The following DLGAP3 variants were observed in gnomAD, a reference collection of about 807,000 sequenced individuals.
The protein encoded by DLGAP3 is DLG associated protein 3, also known as disks large-associated protein 3.
In DLGAP3, 17 loss-of-function variants were observed where a neutral mutation model predicts 81.2. That is an observed-to-expected ratio of 0.21 (90% CI 0.14 to 0.31). The LOEUF (loss-of-function observed/expected upper bound fraction) is 0.31. DLGAP3 is among the 10% of genes least tolerant of loss of function. The pLI, the probability that DLGAP3 is intolerant of heterozygous loss-of-function variation, is 1.00. For synonymous variants in DLGAP3, 577 were observed against 587.4 expected (o/e 0.98, Z 0.26); for missense variants, 1,124 against 1,388.0 (o/e 0.81, Z 3.02).
rs796124635 is a variant in DLGAP3 at position 34,917,410 on chromosome 1, C to T, written c.-134-9973G>A. Among the ~76,000 whole-genome samples the T allele has an allele frequency of 2.3e-4, 34 of 150,518 alleles. 1 individual carries two copies. The highest frequency in any genetic ancestry group is 7.8e-4 in the African/African-American group (32 of 40,808). The stretch of plus-strand genomic sequence containing the variant: ...TCACCCAGGCCGGAGTGCAGTGGCA[C>T]TGTCATGGCTCACTGCAGCCTTGAC... On this transcript the variant is annotated intron_variant, in intron 1 of 11. Coordinates refer to ENST00000373347, the MANE Select transcript of DLGAP3 (RefSeq NM_001080418.3).
In DLGAP3 at chr1:34,868,831, A is replaced by T. The variant is rs928166467; in HGVS notation, c.2259T>A (p.Asp753Glu). 11 of 1,582,058 alleles carry T rather than the reference A, an allele frequency of 7.0e-6. No homozygotes were observed. Among genetic ancestry groups the T allele is most frequent in the Non-Finnish European group, 9.4e-6 (11 of 1,169,274 alleles). Residue 753 changes from aspartate (D) to glutamate (E), a missense_variant, in exon 9 of 12, where the codon GAT (aspartate) becomes GAA (glutamate). Transcript: ENST00000373347. The surrounding 1 kb of genome is among the most constrained non-coding windows in gnomAD (Gnocchi z 7.5). ...YPLPYEPPATDGSPGPAPAPT... is the reference protein window; with the variant it reads ...YPLPYEPPATEGSPGPAPAPT... ...GGGCGGGGGCAGGGCCGGGCGACCC[A>T]TCGGTGGCCGGCGGCTCGTACGGCA...
rs1450457178 is a variant in DLGAP3 at position 34,924,236 on chromosome 1, C to G, written c.-135+5215G>C. ...GAGAACTAAAGACTGAAACCCAGAC[C>G]TCATCCCTCCATTTGAATATTTTTT... On this transcript the variant is annotated intron_variant, in intron 1 of 11. Coordinates refer to ENST00000373347, the MANE Select transcript of DLGAP3 (RefSeq NM_001080418.3). Among the ~76,000 whole-genome samples the G allele has an allele frequency of 2.6e-5, 4 of 152,196 alleles. No homozygotes were observed. In the South Asian group the frequency reaches 6.2e-4, roughly 24 times the overall value.
intron 5 of DLGAP3, among the ~76,000 whole-genome samples, chr1:34,888,675 A>G (rs4653113): frequency 0.94 from 142,671 of 152,266 alleles, 67,561 homozygotes; most frequent in East Asian, 1. Flanking sequence ...AAATCAATCC[A>G]AGACCCCGCA....
Position 34,867,297 on chromosome 1 carries a change from G to T in DLGAP3, c.2578-106C>A. 1 of 1,525,112 alleles carries T rather than the reference G, an allele frequency of 6.6e-7. No individual in the cohort carries two copies. Among genetic ancestry groups the T allele is most frequent in the East Asian group, 2.3e-5 (1 of 44,124 alleles). The allele number at this position is 1,525,112 out of a possible 1,614,324, so 94.5% of individuals were successfully genotyped here. On this transcript the variant is annotated intron_variant, in intron 10 of 11. Coordinates refer to ENST00000373347, the MANE Select transcript of DLGAP3 (RefSeq NM_001080418.3). This position sits in a 1 kb window ranked among gnomAD's most constrained non-coding sequence, Gnocchi z 4.3. ...CCCTTACTGCCAGGAAGCTCAGCCTGGGAGAGTGGGTGGGGGCTGGGAGAC... is the reference window on the plus strand; with the variant it reads ...CCCTTACTGCCAGGAAGCTCAGCCTTGGAGAGTGGGTGGGGGCTGGGAGAC...
At chr1:34,874,073 G>A (rs1639015965) in intron 8 of DLGAP3, among the ~76,000 whole-genome samples, 1 of 152,210 alleles carries the variant, frequency 6.6e-6, no homozygotes, top group Non-Finnish European at 1.5e-5. Context: ...TCCTTAAAAG[G>A]AGGGGGTATG....
At chr1:34,921,011 G>C (rs913315599) in intron 1 of DLGAP3, among the ~76,000 whole-genome samples, 1 of 152,190 alleles carries the variant, frequency 6.6e-6, no homozygotes, top group African/African-American at 2.4e-5. Flanking sequence ...CAAAGACTCG[G>C]ATACAGTGAG....
chr1:34,866,245 C>T lies in DLGAP3; in HGVS notation c.2778G>A (p.Val926=). The T allele has an allele frequency of 6.4e-7, 1 of 1,569,334 alleles. No individual in the cohort carries two copies. Among genetic ancestry groups the T allele is most frequent in the South Asian group, 1.1e-5 (1 of 87,048 alleles). Residue 926 remains valine (V), a synonymous_variant, in exon 12 of 12, where the codon GTG becomes GTA. Transcript: ENST00000373347. ...IPKKPLRGRG[V]PVKERSLDSV... is the part of the protein sequence containing the mutation. Reference sequence around the variant, plus strand: ...AGTCCAGGGAGCGCTCCTTCACCGGCACGCCCCGGCCCCGCAGGGGCTTCT... The same window carrying T: ...AGTCCAGGGAGCGCTCCTTCACCGGTACGCCCCGGCCCCGCAGGGGCTTCT...
At chr1:34,912,325 T>C (rs766920799) in intron 1 of DLGAP3, among the ~76,000 whole-genome samples, 2 of 152,190 alleles carry the variant, frequency 1.3e-5, no homozygotes, top group Non-Finnish European at 2.9e-5. Flanking sequence ...TCACTCTAGA[T>C]TGTCCACATC....
rs779870404 is a variant in DLGAP3 at position 34,902,290 on chromosome 1, G to C, written c.1107+1987C>G. The stretch of plus-strand genomic sequence containing the variant: ...GTTCAGGGGAAAGGTGGAGACTCTG[G>C]GGATGAGATGGGGTCCCTTGAAGGA... On this transcript the variant is annotated intron_variant, in intron 3 of 11. Coordinates refer to ENST00000373347, the MANE Select transcript of DLGAP3 (RefSeq NM_001080418.3). The surrounding 1 kb of genome is among the most constrained non-coding windows in gnomAD (Gnocchi z 4.4). Among the ~76,000 whole-genome samples the C allele has an allele frequency of 6.6e-6, 1 of 152,130 alleles. No individual in the cohort carries two copies. Among genetic ancestry groups the C allele is most frequent in the Non-Finnish European group, 1.5e-5 (1 of 68,016 alleles).
At chr1:34,881,248 C>T (rs1036185595) in intron 8 of DLGAP3, among the ~76,000 whole-genome samples, 1 of 152,150 alleles carries the variant, frequency 6.6e-6, no homozygotes, top group African/African-American at 2.4e-5. Context: ...ACCCCTAGAG[C>T]TCCACATAGC....
intron 5 of DLGAP3, among the ~76,000 whole-genome samples, chr1:34,897,191 A>G (rs1639391157): frequency 6.6e-6 from 1 of 152,220 alleles, no homozygotes; most frequent in South Asian, 2.1e-4. Flanking sequence ...AACTTATTTC[A>G]TCTTCTATAA....
chr1:34,881,706 T>TTATCCCAGGA (rs111999075), intron 8 of DLGAP3, among the ~76,000 whole-genome samples: 23,648 of 151,960 alleles, frequency 0.16, 2,046 homozygotes, highest in African/African-American at 0.23. Context: ...CAAGCAGGGT[T>TTATCCCAGGA]TATCCCAGGA....
intron 1 of DLGAP3, among the ~76,000 whole-genome samples, chr1:34,921,352 C>T (rs1219634440): frequency 6.6e-6 from 1 of 152,178 alleles, no homozygotes; most frequent in African/African-American, 2.4e-5. Context: ...CACTGAAATA[C>T]CTGTTCCCAC....
intron 8 of DLGAP3, among the ~76,000 whole-genome samples, chr1:34,878,262 C>T (rs1182024137): frequency 1.3e-5 from 2 of 151,882 alleles, no homozygotes; most frequent in East Asian, 1.9e-4. Context: ...GCTGAGATCA[C>T]GCCAATGCAC....
rs1639476162 is a variant in DLGAP3 at position 34,902,484 on chromosome 1, C to G, written c.1107+1793G>C. Among the ~76,000 whole-genome samples, 1 of 152,114 alleles carries G rather than the reference C, an allele frequency of 6.6e-6. No homozygotes were observed. Among genetic ancestry groups the G allele is most frequent in the African/African-American group, 2.4e-5 (1 of 41,432 alleles). ...GTGGGAGAAACAGGGCTTTGACAAT[C>G]AGATCGGGAGTCCAGCAAAGACACC... On this transcript the variant is annotated intron_variant, in intron 3 of 11. Coordinates refer to ENST00000373347, the MANE Select transcript of DLGAP3 (RefSeq NM_001080418.3). The surrounding 1 kb of genome is among the most constrained non-coding windows in gnomAD (Gnocchi z 4.4).
intron 3 of DLGAP3, among the ~76,000 whole-genome samples, chr1:34,901,804 A>G (rs1458040682): frequency 6.6e-6 from 1 of 152,246 alleles, no homozygotes; most frequent in Non-Finnish European, 1.5e-5. Context: ...CTATGCTCTA[A>G]GAACTCGATT....
At chr1:34,892,825 C>T (rs1639332245) in intron 5 of DLGAP3, among the ~76,000 whole-genome samples, 2 of 152,298 alleles carry the variant, frequency 1.3e-5, no homozygotes, top group African/African-American at 4.8e-5. Context: ...TTAATAGCAG[C>T]ACAAGAAAAA....
At chr1:34,917,054 T>C (rs1286580486) in intron 1 of DLGAP3, among the ~76,000 whole-genome samples, 1 of 151,984 alleles carries the variant, frequency 6.6e-6, no homozygotes, top group Admixed American at 6.6e-5. Context: ...AGGAGGCCAA[T>C]AGGTGGACCC....
chr1:34,881,600 CT>C (rs35552855), intron 8 of DLGAP3, among the ~76,000 whole-genome samples: 7,132 of 144,960 alleles, frequency 0.049, 194 homozygotes, highest in Middle Eastern at 0.09. Flanking sequence ...TCTAAGCTGG[CT>C]TTTTTTTTTT....
Sources: allele counts gnomAD v4.1 joint callset (sites outside exome capture counted in the v4.1 genomes callset), GRCh38; gene constraint gnomAD v4.1.1; non-coding constraint Gnocchi (gnomAD v3.1); transcripts MANE v1.5; gene names NCBI Gene and HGNC (gene_info 2026-07-23, HGNC 2026-07-21).